The following TAAR5 variants were observed in gnomAD, a reference collection of about 807,000 sequenced individuals.
TAAR5 encodes the protein trace amine-associated receptor 5.
TAAR5 carries 27 observed loss-of-function variants against 21.1 expected under a neutral mutation model. The observed-to-expected ratio is 1.28, with a 90% CI of 0.94 to 1.76. The LOEUF (loss-of-function observed/expected upper bound fraction) is 1.76, where lower values mean the gene tolerates loss of function less well. TAAR5 is among the 40% of genes most tolerant of loss of function. The pLI, the probability that TAAR5 is intolerant of heterozygous loss-of-function variation, is 0.00. For missense variants in TAAR5, 495 were observed against 405.6 expected (o/e 1.22, Z -1.89); for synonymous variants, 203 against 167.5 (o/e 1.21, Z -1.64).
At chr6:132,611,708 A>G in the TAAR5 span, among the ~76,000 whole-genome samples, 1 of 152,154 alleles carries the variant, frequency 6.6e-6, no homozygotes, top group Non-Finnish European at 1.5e-5. Context: ...TTTTTCCCTG[A>G]AGCAGACCCT....
chr6:132,588,691 A>ACACTTGGT lies in TAAR5; in HGVS notation c.995_996insACCAAGTG (p.Asp333ProfsTer13), dbSNP rs773538590. The ACACTTGGT allele has an allele frequency of 6.2e-7, 1 of 1,612,706 alleles. No individual in the cohort carries two copies. The highest frequency in any genetic ancestry group is 2.2e-5 in the East Asian group (1 of 44,822). On this transcript the variant is annotated frameshift_variant, in exon 1 of 1. Coordinates refer to ENST00000258034, the MANE Select transcript of TAAR5 (RefSeq NM_003967.3). LOFTEE classifies it high-confidence loss of function. ...GAAGGAATCATTCTTGGTACAAATC[A>ACACTTGGT]ACAGTGCGTGTCTGCGGTGAGAAGA...
At chr6:132,593,237 C>T (rs117623111), upstream of TAAR5, among the ~76,000 whole-genome samples, 38 of 152,292 alleles carry the variant, frequency 2.5e-4, no homozygotes, top group East Asian at 6.4e-3. Context: ...GCCATGCTCT[C>T]ATGGCCTCTT....
the TAAR5 span, among the ~76,000 whole-genome samples, chr6:132,604,645 A>G: frequency 6.6e-6 from 1 of 152,172 alleles, no homozygotes; most frequent in South Asian, 2.1e-4. Context: ...ACGTGCAAGG[A>G]CAAAGAAGAC....
chr6:132,606,695 G>T, the TAAR5 span, among the ~76,000 whole-genome samples: 3 of 152,172 alleles, frequency 2.0e-5, no homozygotes, highest in East Asian at 1.9e-4. Context: ...AAACTGTAAC[G>T]ATGGTGACAG....
upstream of TAAR5, among the ~76,000 whole-genome samples, chr6:132,590,227 G>A (rs1421777004): frequency 1.3e-5 from 2 of 152,188 alleles, no homozygotes; most frequent in Non-Finnish European, 2.9e-5. Flanking sequence ...TGACAATAAA[G>A]TTAGCAGATT....
chr6:132,608,068 T>A, the TAAR5 span, among the ~76,000 whole-genome samples: 1 of 152,216 alleles, frequency 6.6e-6, no homozygotes, highest in Non-Finnish European at 1.5e-5. Context: ...GAGTAATTGA[T>A]TTACTAGTCA....
At chr6:132,592,583 G>A (rs1006198153), upstream of TAAR5, among the ~76,000 whole-genome samples, 2 of 152,188 alleles carry the variant, frequency 1.3e-5, no homozygotes, top group Non-Finnish European at 2.9e-5. Flanking sequence ...TTGGATCATG[G>A]GGGTAGATTT....
chr6:132,601,011 A>G, the TAAR5 span, among the ~76,000 whole-genome samples: 604 of 33,378 alleles, frequency 0.018, 11 homozygotes, highest in African/African-American at 0.042. Flanking sequence ...GAGGGAAGGA[A>G]GGAAGGGGGG....
chr6:132,595,642 C>T, the TAAR5 span, among the ~76,000 whole-genome samples: 4 of 152,130 alleles, frequency 2.6e-5, no homozygotes, highest in Non-Finnish European at 4.4e-5. Flanking sequence ...GCATACAAGT[C>T]ACCTAGGGAT....
the TAAR5 span, chr6:132,608,391 C>T: frequency 6.0e-3 from 2,748 of 455,750 alleles, 31 homozygotes; most frequent in South Asian, 0.014. Context: ...AGTACCGGAG[C>T]CACACTAAAA....
the TAAR5 span, chr6:132,608,989 C>G: frequency 2.2e-6 from 1 of 455,928 alleles, no homozygotes. Context: ...CCCAAAGTAC[C>G]AGCAACTCTC....
chr6:132,611,087 T>TA, the TAAR5 span, among the ~76,000 whole-genome samples: 2 of 151,738 alleles, frequency 1.3e-5, no homozygotes, highest in Non-Finnish European at 2.9e-5. Context: ...CATTTAGCCA[T>TA]AAAAAAGAAT....
At chr6:132,597,410 G>A in the TAAR5 span, among the ~76,000 whole-genome samples, 1 of 152,076 alleles carries the variant, frequency 6.6e-6, no homozygotes, top group East Asian at 1.9e-4. Flanking sequence ...ATGAAAACAA[G>A]TAACCACATG....
chr6:132,616,420 C>T, the TAAR5 span, among the ~76,000 whole-genome samples: 1 of 152,076 alleles, frequency 6.6e-6, no homozygotes, highest in Admixed American at 6.6e-5. Context: ...AATAGCAATA[C>T]AAAATGTGGA....
At chr6:132,600,760 G>A in the TAAR5 span, among the ~76,000 whole-genome samples, 29 of 133,684 alleles carry the variant, frequency 2.2e-4, no homozygotes, top group East Asian at 5.1e-3. Flanking sequence ...GAAAGAAAAA[G>A]GAAAGAAGGA....
rs2114573835 is a variant in TAAR5 at position 132,589,391 on chromosome 6, C to G, written c.296G>C (p.Cys99Ser). ...PLSTIRSVES[C>S]WFFGDFLCRL... ...GCAGAGGAAGTCCCCGAAGAACCAG[C>G]AGCTCTCCACTGAGCGAATGGTGCT... Residue 99 changes from cysteine (C) to serine (S), a missense_variant, in exon 1 of 1, where the codon TGC becomes TCC. Coordinates refer to ENST00000258034, the MANE Select transcript of TAAR5 (RefSeq NM_003967.3). 6.2e-7 allele frequency: 1 copy of G among 1,614,120 alleles called. No homozygotes were observed. The highest frequency in any genetic ancestry group is 1.1e-5 in the South Asian group (1 of 91,080).
the TAAR5 span, among the ~76,000 whole-genome samples, chr6:132,610,788 G>A: frequency 1.1e-3 from 165 of 152,274 alleles, no homozygotes; most frequent in African/African-American, 3.8e-3. Context: ...AGAGCCTTGC[G>A]TTGAGAGTTC....
upstream of TAAR5, among the ~76,000 whole-genome samples, chr6:132,594,075 C>T (rs1776943126): frequency 6.6e-6 from 1 of 152,182 alleles, no homozygotes; most frequent in African/African-American, 2.4e-5. Flanking sequence ...CTGATGTTTT[C>T]AAGTTAAAGT....
chr6:132,606,118 G>A, the TAAR5 span, among the ~76,000 whole-genome samples: 2 of 152,016 alleles, frequency 1.3e-5, no homozygotes, highest in Admixed American at 6.6e-5. Context: ...GGACAAGGAG[G>A]GAAGTAAGCA....
Sources: gnomAD v4.1 joint callset for allele counts (sites outside exome capture counted in the v4.1 genomes callset) on GRCh38, gnomAD v4.1.1 for gene constraint, MANE v1.5 for transcripts, NCBI Gene and HGNC (gene_info 2026-07-23, HGNC 2026-07-21) for gene names.